The following PAXBP1 variants were observed in gnomAD, a reference collection of about 807,000 sequenced individuals.
PAXBP1 encodes PAX3- and PAX7-binding protein 1.
Under a neutral mutation model 119.9 loss-of-function variants are expected in PAXBP1, and 44 were observed. The observed-to-expected ratio is 0.37, with a 90% CI of 0.29 to 0.47. The LOEUF (loss-of-function observed/expected upper bound fraction) is 0.47. PAXBP1 is among the 20% of genes least tolerant of loss of function. The probability of loss-of-function intolerance (pLI) is 0.99; values close to 1 mark genes in which losing one functional copy is unlikely to be tolerated. For missense variants in PAXBP1, 898 were observed against 1,134.1 expected, an observed-to-expected ratio of 0.79 and a Z score of 2.99; for synonymous variants, 393 against 406.6, an observed-to-expected ratio of 0.97 and a Z score of 0.40.
At chr21:32,751,356 G>A (rs2043956472) in intron 8 of PAXBP1, 138 bp from the exon 9 acceptor site, 1 of 676,304 alleles carries the variant, frequency 1.5e-6, no homozygotes, top group African/African-American at 1.8e-5. Flanking sequence ...AAACCAGGTA[G>A]GTTTTTGGTT....
intron 2 of PAXBP1, among the ~76,000 whole-genome samples, chr21:32,767,595 GCT>G (rs2044262573): frequency 6.6e-6 from 1 of 152,178 alleles, no homozygotes; most frequent in Non-Finnish European, 1.5e-5. Context: ...AATCATGGGG[GCT>G]GGTCTTTCCC....
intron 14 of PAXBP1, 145 bp downstream of exon 14, chr21:32,743,533 G>A (rs1403586192): frequency 1.4e-6 from 1 of 738,510 alleles, no homozygotes; most frequent in Admixed American, 3.0e-5. Flanking sequence ...TCTGCTTAAG[G>A]GAACAATCTC....
At chr21:32,763,663 A>G (rs2044188551) in intron 3 of PAXBP1, among the ~76,000 whole-genome samples, 1 of 152,292 alleles carries the variant, frequency 6.6e-6, no homozygotes, top group East Asian at 1.9e-4. Flanking sequence ...TTTTTTGCAG[A>G]AAAGTAAAAA....
intron 1 of PAXBP1, 137 bp downstream of exon 1, chr21:32,771,189 A>C: frequency 1.2e-6 from 1 of 815,044 alleles, no homozygotes; most frequent in Non-Finnish European, 1.8e-6. Context: ...AGGCTGGGGA[A>C]GATTCGCAGC....
chr21:32,755,240 T>C lies in PAXBP1; in HGVS notation c.1497A>G (p.Ser499=). Reference sequence around the variant, plus strand: ...TCAAGATGGACTGACTTGAATGGCTTGAAAACTCCGAAGATTCATCTTTAA... The same window carrying C: ...TCAAGATGGACTGACTTGAATGGCTCGAAAACTCCGAAGATTCATCTTTAA... ...DDIKDESSEF[S]SHSNKALMAP... is the part of the protein sequence containing the mutation. Residue 499 remains serine (S), a synonymous_variant, in exon 8 of 18, where the codon TCA becomes TCG. Transcript: ENST00000331923. The C allele has an allele frequency of 6.2e-7, 1 of 1,612,726 alleles. No homozygotes were observed. Among genetic ancestry groups the C allele is most frequent in the Non-Finnish European group, 8.5e-7 (1 of 1,179,322 alleles).
intron 15 of PAXBP1, chr21:32,741,272 C>T (rs140364294): frequency 2.8e-5 from 9 of 323,718 alleles, no homozygotes; most frequent in Middle Eastern, 9.3e-4. Flanking sequence ...TTGGAAATGT[C>T]GGGGCCAAGG....
rs768182808 is a variant in PAXBP1, at chr21:32,748,639, T to C, written c.1783A>G (p.Ile595Val). ...TCAAACTGTGATTTAATACAGTCAA[T>C]TGAATAGAAACTTTCAAGGACATCT... is the stretch of plus-strand genomic sequence containing the variant. ...FEDVLESFYS[I>V]DCIKSQFEAW... Residue 595 changes from isoleucine to valine, a missense_variant, in exon 11 of 18, where the codon ATT becomes GTT. Physicochemically the swap from Ile to Val is conservative, Grantham distance 29. Coordinates refer to ENST00000331923, the MANE Select transcript of PAXBP1 (RefSeq NM_016631.4). The C allele has an allele frequency of 9.3e-6, 15 of 1,613,618 alleles. 1 individual carries two copies. The highest frequency in any genetic ancestry group is 1.3e-5 in the African/African-American group (1 of 74,892).
At chr21:32,748,343 A>G (rs2043906426) in intron 11 of PAXBP1, among the ~76,000 whole-genome samples, 156 bp downstream of exon 11, 1 of 152,246 alleles carries the variant, frequency 6.6e-6, no homozygotes, top group South Asian at 2.1e-4. Context: ...AAAAGGAAAG[A>G]TCATAAGATT....
In PAXBP1 at chr21:32,734,739, C is replaced by T. The variant is rs1018278647; in HGVS notation, c.*211G>A. 5.3e-6 allele frequency: 3 copies of T among 569,950 alleles called. No individual in the cohort carries two copies. The highest frequency in any genetic ancestry group is 3.8e-5 in the African/African-American group (2 of 53,070). The allele number at this position is 569,950 out of a possible 1,614,324, so 35.3% of individuals were successfully genotyped here. On this transcript the variant is annotated 3_prime_UTR_variant, in exon 18 of 18. Coordinates refer to ENST00000331923, the MANE Select transcript of PAXBP1 (RefSeq NM_016631.4). ...AAATACTTCAGTAAACAAAGTATGA[C>T]AGGCAGTAAAGAAAACATTCATAGA...
chr21:32,759,726 G>A lies in PAXBP1; in HGVS notation c.1193+51C>T, dbSNP rs546706732. ...TGCTACCCCAGACTACATGTTGCCT[G>A]AGGGAACAGAAAGCTAGCGGACAGG... is the stretch of plus-strand genomic sequence containing the variant. On this transcript the variant is annotated intron_variant, in intron 6 of 17. Transcript: ENST00000331923. The A allele has an allele frequency of 8.1e-6, 12 of 1,474,760 alleles. No individual in the cohort carries two copies. The South Asian group carries it at 1.3e-4, about 16-fold the overall frequency. The allele number at this position is 1,474,760 out of a possible 1,614,324, so 91.4% of individuals were successfully genotyped here.
chr21:32,741,091 G>GT (rs1323927972), intron 15 of PAXBP1, among the ~76,000 whole-genome samples: 1 of 152,208 alleles, frequency 6.6e-6, no homozygotes, highest in Admixed American at 6.5e-5. Flanking sequence ...TATGGTGGGA[G>GT]TAAGGAATAA....
At chr21:32,751,326 A>T in intron 8 of PAXBP1, 108 bp from the exon 9 acceptor site, 1 of 926,876 alleles carries the variant, frequency 1.1e-6, no homozygotes. Context: ...TCTCAACGGC[A>T]AGATTCTGCA....
chr21:32,740,242 G>A lies in PAXBP1; in HGVS notation c.2335-1923C>T, dbSNP rs200639163. On this transcript the variant is annotated intron_variant, in intron 15 of 17. Coordinates refer to ENST00000331923, the MANE Select transcript of PAXBP1 (RefSeq NM_016631.4). ...CCCTCTCTCACCTACATGTGACCTG[G>A]AAGTCCCCAATGGGGGGGCCTTGCT... Among the ~76,000 whole-genome samples the A allele has an allele frequency of 7.2e-5, 11 of 152,164 alleles. No individual in the cohort carries two copies. The East Asian group carries it at 2.1e-3, about 29-fold the overall frequency.
chr21:32,739,938 TAAAAAAAAAAAAAA>T (rs756477858), intron 15 of PAXBP1, among the ~76,000 whole-genome samples: 6 of 47,006 alleles, frequency 1.3e-4, no homozygotes, highest in African/African-American at 2.7e-4. Flanking sequence ...CTCGTCTCTT[TAAAAAAAAAAAAAA>T]AAAAAAAAAA....
chr21:32,764,009 A>C (rs945261760), intron 3 of PAXBP1, among the ~76,000 whole-genome samples: 5 of 152,072 alleles, frequency 3.3e-5, no homozygotes, highest in East Asian at 1.9e-4. Flanking sequence ...AAAAAAAAAA[A>C]AAACTAACAG....
intron 11 of PAXBP1, among the ~76,000 whole-genome samples, chr21:32,748,000 T>C (rs570138626): frequency 2.6e-5 from 4 of 151,886 alleles, no homozygotes; most frequent in Non-Finnish European, 5.9e-5. Context: ...TTGCCCAGGC[T>C]GGTCTTGAAC....
intron 3 of PAXBP1, among the ~76,000 whole-genome samples, chr21:32,763,331 T>C (rs2044181785): frequency 6.6e-6 from 1 of 152,194 alleles, no homozygotes; most frequent in South Asian, 2.1e-4. Context: ...TCCTAAATGT[T>C]GCTCATTGCA....
chr21:32,755,315 C>A lies in PAXBP1; in HGVS notation c.1422G>T (p.Gln474His). Residue 474 changes from glutamine (Q) to histidine (H), a missense_variant, in exon 8 of 18, where the codon CAG becomes CAT. Physicochemically the swap from Gln to His is conservative, Grantham distance 24. Coordinates refer to ENST00000331923, the MANE Select transcript of PAXBP1 (RefSeq NM_016631.4). ...GGCGGGAAGCTCGCTGTTTGTACAG[C>A]TGATGTATTGCTGATTCAAGTTCAT... ...LINELESAIH[Q>H]LYKQRASRLV... 6.2e-7 allele frequency: 1 copy of A among 1,613,386 alleles called. No individual in the cohort carries two copies. The highest frequency in any genetic ancestry group is 8.5e-7 in the Non-Finnish European group (1 of 1,179,660).
At chr21:32,761,415 A>G (rs1235341867) in intron 4 of PAXBP1, among the ~76,000 whole-genome samples, 1 of 152,232 alleles carries the variant, frequency 6.6e-6, no homozygotes, top group Non-Finnish European at 1.5e-5. Context: ...TAAACTTGAC[A>G]TCAACAAAGG....
Sources: allele counts gnomAD v4.1 joint callset (sites outside exome capture counted in the v4.1 genomes callset), GRCh38; gene constraint gnomAD v4.1.1; transcripts MANE v1.5; gene names NCBI Gene and HGNC (gene_info 2026-07-23, HGNC 2026-07-21).